Variants in RAB5B observed in about 807,000 individuals in gnomAD.
RAB5B encodes the protein RAB5B, member RAS oncogene family, also known as ras-related protein Rab-5B.
RAB5B carries 11 observed loss-of-function variants against 28.6 expected under a neutral mutation model. That is an observed-to-expected ratio of 0.38 (90% CI 0.24 to 0.64). RAB5B has a LOEUF of 0.64. RAB5B is among the 30% of genes least tolerant of loss of function. The pLI is 0.53. For missense variants in RAB5B, 169 were observed against 265.6 expected (o/e 0.64, Z 2.53); for synonymous variants, 93 against 97.9 (o/e 0.95, Z 0.29).
intron 1 of RAB5B, among the ~76,000 whole-genome samples, chr12:55,976,257 A>G (rs2136469025): frequency 6.6e-6 from 1 of 152,238 alleles, no homozygotes; most frequent in South Asian, 2.1e-4. Flanking sequence ...TCATGTTCTC[A>G]TCAAACTCTA....
rs1478145688 is a variant in RAB5B at position 55,987,097 on chromosome 12, A to G, written c.137A>G (p.His46Arg). Residue 46 changes from histidine (H) to arginine (R), a missense_variant, in exon 2 of 6, where the codon CAT (histidine) becomes CGT (arginine). This residue lies in a region of RAB5B where 43 missense variants were observed against 85.8 expected (regional missense o/e 0.50). Transcript: ENST00000360299. ...LVLRFVKGQFHEYQESTIGAA... is the reference protein window; with the variant it reads ...LVLRFVKGQFREYQESTIGAA... ...TTACGTTTTGTCAAAGGGCAGTTCCATGAGTACCAGGAGAGCACCATTGGA... is the reference window on the plus strand; with the variant it reads ...TTACGTTTTGTCAAAGGGCAGTTCCGTGAGTACCAGGAGAGCACCATTGGA... The G allele has an allele frequency of 1.2e-6, 2 of 1,613,722 alleles. No individual in the cohort carries two copies. The highest frequency in any genetic ancestry group is 3.3e-5 in the Admixed American group (2 of 59,984).
intron 1 of RAB5B, among the ~76,000 whole-genome samples, chr12:55,978,183 T>C (rs945265706): frequency 4.6e-5 from 7 of 152,068 alleles, no homozygotes; most frequent in African/African-American, 1.7e-4. Context: ...GGGAGAGAAT[T>C]GATTCTGAGG....
chr12:55,989,879 G>T, intron 2 of RAB5B, 68 bp from the exon 3 acceptor site: 1 of 1,518,236 alleles, frequency 6.6e-7, no homozygotes, highest in Non-Finnish European at 9.1e-7. Context: ...ACATTTTGAA[G>T]GGGGGGAGGG....
chr12:55,982,045 G>A (rs568437844), intron 1 of RAB5B, among the ~76,000 whole-genome samples: 4 of 151,818 alleles, frequency 2.6e-5, no homozygotes, highest in African/African-American at 7.2e-5. Context: ...TAGGTGATCC[G>A]CCCACCTCAG....
At position 55,990,817 on chromosome 12, in the gene RAB5B, G is replaced by T; in HGVS notation, c.438+13G>T. ...GGTGGAGTATGAAGTAAGGTGGCCCGTGGAGTTCCTCTCTAACACTTCCTC... is the reference window on the plus strand; with the variant it reads ...GGTGGAGTATGAAGTAAGGTGGCCCTTGGAGTTCCTCTCTAACACTTCCTC... On this transcript the variant is annotated intron_variant, in intron 4 of 5. Transcript: ENST00000360299. 1 of 1,612,572 alleles carries T rather than the reference G, an allele frequency of 6.2e-7. No homozygotes were observed. Among genetic ancestry groups the T allele is most frequent in the East Asian group, 2.2e-5 (1 of 44,838 alleles).
Position 55,987,010 on chromosome 12 carries a change from A to G in RAB5B, c.50A>G (p.Lys17Arg). 6.2e-7 allele frequency: 1 copy of G among 1,607,138 alleles called. No homozygotes were observed. Among genetic ancestry groups the G allele is most frequent in the South Asian group, 1.1e-5 (1 of 90,920 alleles). Reference protein sequence around the residue: ...ARPNGQPQASKICQFKLVLLG... With the variant: ...ARPNGQPQASRICQFKLVLLG... ...CCCAATGGGCAACCCCAGGCCAGCA[A>G]AATTTGCCAGTTCAAATTGGTCCTG... Residue 17 changes from lysine to arginine, a missense_variant, in exon 2 of 6, where the codon AAA (lysine) becomes AGA (arginine). Physicochemically the swap from Lys to Arg is conservative, Grantham distance 26. Transcript: ENST00000360299.
chr12:55,974,862 T>A (rs1049354463), intron 1 of RAB5B, among the ~76,000 whole-genome samples: 7 of 151,938 alleles, frequency 4.6e-5, no homozygotes, highest in Non-Finnish European at 1.0e-4. Flanking sequence ...TTCCCTTTAG[T>A]GTTTAGATGT....
chr12:55,987,416 G>A (rs1453877275), intron 2 of RAB5B, among the ~76,000 whole-genome samples: 10 of 151,722 alleles, frequency 6.6e-5, no homozygotes, highest in Non-Finnish European at 1.5e-4. Flanking sequence ...TGCCTGCCTC[G>A]GCCTCCCAAA....
chr12:55,992,083 CTTTTT>C lies in RAB5B; in HGVS notation c.533-13_533-9del. On this transcript the variant is annotated splice_polypyrimidine_tract_variant and intron_variant, in intron 5 of 5. Transcript: ENST00000360299. ...AGTCTACCATACTTTGTTCTCTTCT[CTTTTT>C]ATCTCTAGCTAAGAAGTTGCCAAAG... is the stretch of plus-strand genomic sequence containing the variant. 6.2e-7 allele frequency: 1 copy of C among 1,608,330 alleles called. No individual in the cohort carries two copies.
intron 1 of RAB5B, among the ~76,000 whole-genome samples, chr12:55,977,506 T>G (rs1889679920): frequency 6.6e-6 from 1 of 152,196 alleles, no homozygotes; most frequent in Non-Finnish European, 1.5e-5. Context: ...CCTCATATCT[T>G]CTAACTCTTA....
At chr12:55,978,704 GTT>G (rs1442010204) in intron 1 of RAB5B, among the ~76,000 whole-genome samples, 1 of 151,836 alleles carries the variant, frequency 6.6e-6, no homozygotes, top group Non-Finnish European at 1.5e-5. Flanking sequence ...GAAGTTCATA[GTT>G]TAGCAGAGCA....
chr12:55,991,169 A>G, intron 4 of RAB5B, 191 bp from the exon 5 acceptor site: 1 of 575,366 alleles, frequency 1.7e-6, no homozygotes, highest in Non-Finnish European at 3.1e-6. Context: ...TGTGTGTTGG[A>G]CTGAGTGGAC....
At position 55,993,300 on chromosome 12, in the gene RAB5B, G is replaced by T. The variant is rs1890192515; in HGVS notation, c.*1088G>T. ...AGGTTAATGCGAGGTTCGAGGAGAG[G>T]TTATAGATAAAACTACCAGTGGCAG... is the stretch of plus-strand genomic sequence containing the variant. On this transcript the variant is annotated 3_prime_UTR_variant, in exon 6 of 6. Coordinates refer to ENST00000360299, the MANE Select transcript of RAB5B (RefSeq NM_002868.4). The T allele has an allele frequency of 6.6e-6, 1 of 152,564 alleles. No individual in the cohort carries two copies. The highest frequency in any genetic ancestry group is 2.4e-5 in the African/African-American group (1 of 41,396). 9.5% of individuals were successfully genotyped at this position (152,564 alleles called of 1,614,324 possible).
At chr12:55,985,099 AT>A (rs2136481345) in intron 1 of RAB5B, among the ~76,000 whole-genome samples, 1 of 152,264 alleles carries the variant, frequency 6.6e-6, no homozygotes, top group South Asian at 2.1e-4. Flanking sequence ...CTATTATCTC[AT>A]TTTACAGATG....
intron 1 of RAB5B, among the ~76,000 whole-genome samples, chr12:55,977,875 C>T (rs1889689251): frequency 6.6e-6 from 1 of 152,176 alleles, no homozygotes; most frequent in Admixed American, 6.5e-5. Context: ...AGAGTGTCTC[C>T]TGGTTCTGTG....
rs1592810245 is a variant in RAB5B at position 55,992,358 on chromosome 12, C to T, written c.*146C>T. On this transcript the variant is annotated 3_prime_UTR_variant, in exon 6 of 6. Coordinates refer to ENST00000360299, the MANE Select transcript of RAB5B (RefSeq NM_002868.4). ...CTGCCTCCTGACAGCTCCGTCATGG[C>T]ACTTTTTAACGCTTCAGCAACAAAC... 3 of 724,506 alleles carry T rather than the reference C, an allele frequency of 4.1e-6. No individual in the cohort carries two copies. The highest frequency in any genetic ancestry group is 7.2e-6 in the Non-Finnish European group (3 of 413,836). The allele number at this position is 724,506 out of a possible 1,614,324, so 44.9% of individuals were successfully genotyped here.
At chr12:55,976,215 TG>T (rs1274393445) in intron 1 of RAB5B, among the ~76,000 whole-genome samples, 1 of 152,220 alleles carries the variant, frequency 6.6e-6, no homozygotes, top group African/African-American at 2.4e-5. Context: ...TGCTTTGCTT[TG>T]GGGGATGTGT....
intron 5 of RAB5B, 109 bp downstream of exon 5, chr12:55,991,562 G>T: frequency 1.2e-6 from 1 of 840,098 alleles, no homozygotes. Context: ...AAAAACTTTA[G>T]GTATGGAAAT....
chr12:55,991,127 C>T lies in RAB5B; in HGVS notation c.439-233C>T. The T allele has an allele frequency of 9.1e-6, 5 of 548,830 alleles. No individual in the cohort carries two copies. In the South Asian group the frequency reaches 1.1e-4, roughly 12 times the overall value. 34.0% of individuals were successfully genotyped at this position (548,830 alleles called of 1,614,324 possible). ...AACCCAAAAGCCCCCAACTAACTTA[C>T]CCTCTCCCCTATAATTAAGCTTTCT... On this transcript the variant is annotated intron_variant, in intron 4 of 5. Coordinates refer to ENST00000360299, the MANE Select transcript of RAB5B (RefSeq NM_002868.4).
Sources: gnomAD v4.1 joint callset for allele counts (sites outside exome capture counted in the v4.1 genomes callset) on GRCh38, gnomAD v4.1.1 for gene constraint, gnomAD v4.1.1 regional missense constraint, MANE v1.5 for transcripts, NCBI Gene and HGNC (gene_info 2026-07-23, HGNC 2026-07-21) for gene names.